The following ACACB variants were observed in gnomAD, a reference collection of about 807,000 sequenced individuals.
ACACB encodes acetyl-CoA carboxylase 2.
In ACACB, 209 loss-of-function variants were observed where a neutral mutation model predicts 278.8. The observed-to-expected ratio is 0.75, with a 90% confidence interval of 0.67 to 0.84. The LOEUF is 0.84. Among genes scored for constraint, ACACB ranks in the 40% least tolerant of loss-of-function variants. The probability of loss-of-function intolerance (pLI) is 0.00; values close to 1 mark genes in which losing one functional copy is unlikely to be tolerated. For missense variants in ACACB, 2,850 were observed against 3,269.0 expected (o/e 0.87, Z 3.13); for synonymous variants, 1,174 against 1,285.6 (o/e 0.91, Z 1.86).
chr12:109,133,180 C>G (rs2042874121), intron 1 of ACACB, among the ~76,000 whole-genome samples: 1 of 152,172 alleles, frequency 6.6e-6, no homozygotes, highest in Non-Finnish European at 1.5e-5. Flanking sequence ...ACAATGTATT[C>G]TCACACCTCA....
Position 109,261,869 on chromosome 12 carries a change from TA to T in ACACB, c.6675-478del, listed in dbSNP as rs553780682. On this transcript the variant is annotated intron_variant, in intron 48 of 52. Transcript: ENST00000338432. ...CTGGGTGACAGAGTGAGACCCTGTCTAAAAAAAAAACAAAAAAAAAAAAAAA... is the reference window on the plus strand; with the variant it reads ...CTGGGTGACAGAGTGAGACCCTGTCTAAAAAAAAACAAAAAAAAAAAAAAA... Among the ~76,000 whole-genome samples the T allele has an allele frequency of 1.2e-4, 8 of 66,920 alleles. No individual in the cohort carries two copies. In the East Asian group the frequency reaches 1.9e-3, roughly 16 times the overall value. The allele number at this position is 66,920 out of a possible 152,430, so 43.9% of individuals were successfully genotyped here. A position where few individuals can be genotyped will look rare whatever the true frequency, so the allele number is the denominator to read the frequency against.
At chr12:109,117,050 T>TC (rs1303139770) in intron 1 of ACACB, among the ~76,000 whole-genome samples, 1 of 147,276 alleles carries the variant, frequency 6.8e-6, no homozygotes, top group East Asian at 1.9e-4. Flanking sequence ...GGTTGTTCTT[T>TC]TTTTTTTTTT....
At chr12:109,163,481 G>A (rs2043801509) in intron 2 of ACACB, among the ~76,000 whole-genome samples, 2 of 152,022 alleles carry the variant, frequency 1.3e-5, no homozygotes, top group Non-Finnish European at 2.9e-5. Context: ...TAGAAGATGA[G>A]GCTGAGAAAA....
chr12:109,175,004 T>C (rs972398166), intron 7 of ACACB, among the ~76,000 whole-genome samples: 1 of 152,260 alleles, frequency 6.6e-6, no homozygotes, highest in Admixed American at 6.5e-5. Context: ...GGATGTATCA[T>C]AATTTACTTA....
intron 48 of ACACB, among the ~76,000 whole-genome samples, chr12:109,261,895 AGAAAG>A (rs1472547574): frequency 1.3e-5 from 2 of 151,304 alleles, no homozygotes; most frequent in African/African-American, 4.8e-5. Context: ...AAAAAAAAAA[AGAAAG>A]AAAAGAAAAT....
intron 11 of ACACB, among the ~76,000 whole-genome samples, chr12:109,182,570 A>G (rs1029092466): frequency 5.3e-5 from 8 of 151,948 alleles, no homozygotes; most frequent in Admixed American, 2.6e-4. Context: ...AGGTCTCACT[A>G]TGTTGTCTAG....
intron 42 of ACACB, chr12:109,252,524 T>G: frequency 5.6e-6 from 1 of 179,284 alleles, no homozygotes. Context: ...ATAGTGAATA[T>G]GCAGTTTTGT....
chr12:109,197,266 C>A, intron 17 of ACACB, 113 bp downstream of exon 17: 2 of 1,370,656 alleles, frequency 1.5e-6, no homozygotes, highest in Non-Finnish European at 1.9e-6. Flanking sequence ...GAGAAGGTGC[C>A]TTTCTGGTAA....
chr12:109,150,936 T>G, intron 2 of ACACB, among the ~76,000 whole-genome samples: 1 of 151,588 alleles, frequency 6.6e-6, no homozygotes, highest in East Asian at 1.9e-4. Context: ...AAATGTTTAC[T>G]TTTTCTTTTT....
intron 43 of ACACB, 63 bp from the exon 44 acceptor site, chr12:109,254,151 C>T: frequency 6.3e-7 from 1 of 1,591,660 alleles, no homozygotes; most frequent in Non-Finnish European, 8.6e-7. Context: ...GAGCAAAGTG[C>T]TGATCAGAGG....
At chr12:109,142,371 C>T (rs750026477) in intron 2 of ACACB, among the ~76,000 whole-genome samples, 11 of 152,088 alleles carry the variant, frequency 7.2e-5, no homozygotes, top group Non-Finnish European at 1.2e-4. Flanking sequence ...TAATATTTCT[C>T]AGGTACTTGG....
Position 109,264,294 on chromosome 12 carries a change from G to A in ACACB, c.6850G>A (p.Asp2284Asn). The A allele has an allele frequency of 1.2e-6, 2 of 1,614,170 alleles. No individual in the cohort carries two copies. Among genetic ancestry groups the A allele is most frequent in the Non-Finnish European group, 1.7e-6 (2 of 1,180,032 alleles). ...GGAGGGCCGGCTAAAGGCTCGCGAG[G>A]ACCTGCTGCTCCCCATCTACCACCA... ...DLEGRLKAREDLLLPIYHQVA... is the reference protein window; with the variant it reads ...DLEGRLKARENLLLPIYHQVA... Residue 2284 changes from aspartate (D) to asparagine (N), a missense_variant, in exon 50 of 53, where the codon GAC (aspartate) becomes AAC (asparagine). By Grantham distance (23) the Asp-to-Asn change is conservative. Transcript: ENST00000338432.
Position 109,262,465 on chromosome 12 carries a change from G to C in ACACB, c.6783G>C (p.Gln2261His). ...CAGCTTACAAGAAGCTCATGGAACA[G>C]CTAGGTAAGGGGGTCCCAAAGGCTT... ...IDPAYKKLME[Q>H]LGEPDLSDKD... Residue 2261 changes from glutamine to histidine, a missense_variant, in exon 49 of 53, where the codon CAG (glutamine) becomes CAC (histidine). Coordinates refer to ENST00000338432, the MANE Select transcript of ACACB (RefSeq NM_001093.4). 1.2e-6 allele frequency: 2 copies of C among 1,611,584 alleles called. No individual in the cohort carries two copies. The highest frequency in any genetic ancestry group is 1.7e-6 in the Non-Finnish European group (2 of 1,178,334).
intron 41 of ACACB, among the ~76,000 whole-genome samples, chr12:109,251,076 C>T (rs187702495): frequency 3.9e-5 from 6 of 152,196 alleles, no homozygotes; most frequent in Admixed American, 1.3e-4. Context: ...CTTTACCAGT[C>T]GAGTGTTCCT....
intron 21 of ACACB, among the ~76,000 whole-genome samples, chr12:109,210,107 ATGTATATATACACGTACATGTATG>A (rs1565926336): frequency 8.7e-5 from 9 of 103,300 alleles, no homozygotes; most frequent in African/African-American, 3.5e-4. Context: ...GTGTGTGTAT[ATGTATATATACACGTACATGTATG>A]TGTGTATATA....
intron 13 of ACACB, chr12:109,191,373 T>G: frequency 2.6e-6 from 1 of 386,854 alleles, no homozygotes; most frequent in Non-Finnish European, 4.9e-6. Context: ...TCCACCATGC[T>G]GAGCTAAGTT....
chr12:109,194,314 GC>G (rs1243411058), intron 16 of ACACB, among the ~76,000 whole-genome samples: 1 of 152,080 alleles, frequency 6.6e-6, no homozygotes, highest in Non-Finnish European at 1.5e-5. Flanking sequence ...TTCTGTCTCA[GC>G]CTCCTGAGTA....
In ACACB at chr12:109,140,010, A is replaced by C; in HGVS notation, c.605A>C (p.Glu202Ala). ...GCCAGCTTGGGGGCCCTGTCCCTGG[A>C]GGCTTATCTGACCACAGGTGAAGCT... is the stretch of plus-strand genomic sequence containing the variant. ...SRASLGALSL[E>A]AYLTTGEAET... The change falls in exon 2 of 53, where the codon GAG becomes GCG. Residue 202 changes from glutamate to alanine, a missense_variant. Transcript: ENST00000338432. The C allele has an allele frequency of 6.2e-7, 1 of 1,609,822 alleles. No individual in the cohort carries two copies. Among genetic ancestry groups the C allele is most frequent in the Non-Finnish European group, 8.5e-7 (1 of 1,179,528 alleles).
intron 29 of ACACB, 113 bp downstream of exon 29, chr12:109,232,919 G>T (rs531992190): frequency 2.3e-6 from 3 of 1,277,090 alleles, no homozygotes; most frequent in Non-Finnish European, 3.3e-6. Flanking sequence ...CAGACACGTG[G>T]CACAGCATGT....
Sources: allele counts gnomAD v4.1 joint callset (sites outside exome capture counted in the v4.1 genomes callset), GRCh38; gene constraint gnomAD v4.1.1; transcripts MANE v1.5; gene names NCBI Gene and HGNC (gene_info 2026-07-23, HGNC 2026-07-21).